EPB41L4B: variants seen among roughly 807,000 people sequenced by gnomAD.
EPB41L4B encodes the protein erythrocyte membrane protein band 4.1 like 4B, also known as band 4.1-like protein 4B.
A neutral mutation model predicts 112.5 loss-of-function variants in EPB41L4B; 30 were observed. The ratio of observed to expected loss-of-function variants is 0.27; its 90% CI spans 0.20 to 0.36. The LOEUF (loss-of-function observed/expected upper bound fraction) is 0.36, where lower values mean the gene tolerates loss of function less well. Among genes scored for constraint, EPB41L4B ranks in the 10% least tolerant of loss-of-function variants. The probability of loss-of-function intolerance (pLI) is 1.00; values close to 1 mark genes in which losing one functional copy is unlikely to be tolerated. For synonymous variants in EPB41L4B, 408 were observed against 439.7 expected, an observed-to-expected ratio of 0.93 and a Z score of 0.90; for missense variants, 1,024 against 1,133.3, an observed-to-expected ratio of 0.90 and a Z score of 1.38.
At chr9:109,235,979 A>G (rs1050185539) in intron 15 of EPB41L4B, among the ~76,000 whole-genome samples, 1 of 152,232 alleles carries the variant, frequency 6.6e-6, no homozygotes, top group African/African-American at 2.4e-5. Flanking sequence ...TCCACACTTC[A>G]CCTAATCAGA....
intron 15 of EPB41L4B, among the ~76,000 whole-genome samples, chr9:109,231,924 G>GA (rs78131476): frequency 0.18 from 26,171 of 149,260 alleles, 2,323 homozygotes; most frequent in African/African-American, 0.21. Flanking sequence ...CTTGCCTAAA[G>GA]AAAAAAAAAT....
intron 1 of EPB41L4B, among the ~76,000 whole-genome samples, chr9:109,306,234 A>G (rs958432174): frequency 1.3e-5 from 2 of 152,212 alleles, no homozygotes; most frequent in African/African-American, 4.8e-5. Flanking sequence ...CTAAACCTAC[A>G]ACACCACACA....
Position 109,208,039 on chromosome 9 carries a change from T to C in EPB41L4B, c.1763A>G (p.Lys588Arg). 6.2e-7 allele frequency: 1 copy of C among 1,614,176 alleles called. No individual in the cohort carries two copies. Among genetic ancestry groups the C allele is most frequent in the Non-Finnish European group, 8.5e-7 (1 of 1,180,026 alleles). Residue 588 changes from lysine to arginine, a missense_variant, in exon 18 of 26, where the codon AAG becomes AGG. Physicochemically the swap from Lys to Arg is conservative, Grantham distance 26 (BLOSUM62 2). Transcript: ENST00000374566. ...CTGAAGAGTTTTCTCCGAGACTTTC[T>C]TTTCTTCAGCCTGAGACAAACCAAA... ...LHININKAEE[K>R]KVSEKTLQTP...
At position 109,251,441 on chromosome 9, in the gene EPB41L4B, TAG is replaced by T. The variant is rs1225429782; in HGVS notation, c.1310+38_1310+39del. The T allele has an allele frequency of 2.5e-6, 4 of 1,589,522 alleles. No homozygotes were observed. In the South Asian group the frequency reaches 3.3e-5, roughly 13 times the overall value. On this transcript the variant is annotated intron_variant, in intron 13 of 25. Coordinates refer to ENST00000374566, the MANE Select transcript of EPB41L4B (RefSeq NM_019114.5). ...CAACATTGCAAATAAATACGATCCT[TAG>T]AGAGGAGAGCTGTGCTCTAGAGCTC... is the stretch of plus-strand genomic sequence containing the variant.
chr9:109,239,066 T>C (rs1461009660), intron 15 of EPB41L4B, among the ~76,000 whole-genome samples: 1 of 152,124 alleles, frequency 6.6e-6, no homozygotes, highest in African/African-American at 2.4e-5. Context: ...ATCACTCTAG[T>C]GACTGGGAGG....
chr9:109,255,382 A>G (rs1450722887), intron 11 of EPB41L4B, 129 bp downstream of exon 11: 9 of 1,067,512 alleles, frequency 8.4e-6, no homozygotes, highest in South Asian at 1.6e-5. Flanking sequence ...TCACCTTAAG[A>G]AACGTGGGGA....
At chr9:109,249,070 A>AT (rs1468792401) in intron 13 of EPB41L4B, among the ~76,000 whole-genome samples, 2,297 of 144,512 alleles carry the variant, frequency 0.016, 24 homozygotes, top group East Asian at 0.035. Context: ...AAAAAAAAAA[A>AT]AAATATATAT....
chr9:109,243,985 G>A (rs1834449796), intron 14 of EPB41L4B, among the ~76,000 whole-genome samples: 1 of 152,226 alleles, frequency 6.6e-6, no homozygotes, highest in Non-Finnish European at 1.5e-5. Flanking sequence ...CGGAGTACCA[G>A]AGACAAGCTG....
chr9:109,257,996 A>C (rs1159647727), intron 7 of EPB41L4B, among the ~76,000 whole-genome samples, 181 bp downstream of exon 7: 1 of 152,226 alleles, frequency 6.6e-6, no homozygotes, highest in Admixed American at 6.5e-5. Flanking sequence ...ACTCTCTCAA[A>C]AATAAAAAGG....
chr9:109,240,637 T>G (rs1834320840), intron 15 of EPB41L4B: 29 of 985,338 alleles, frequency 2.9e-5, no homozygotes, highest in Non-Finnish European at 3.3e-5. Flanking sequence ...CATATTGATT[T>G]CTGGTTCTAC....
intron 2 of EPB41L4B, among the ~76,000 whole-genome samples, chr9:109,277,350 C>T (rs1037569310): frequency 9.4e-5 from 14 of 148,656 alleles, no homozygotes; most frequent in African/African-American, 2.7e-4. Context: ...CAGACAGAAT[C>T]GGAAGTGTAG....
chr9:109,260,504 T>G (rs1392457182), intron 6 of EPB41L4B, among the ~76,000 whole-genome samples: 2 of 136,890 alleles, frequency 1.5e-5, no homozygotes, highest in Non-Finnish European at 3.0e-5. Context: ...AACCTCCGCC[T>G]CCCGGGTTCA....
chr9:109,309,902 C>A (rs1235852574), intron 1 of EPB41L4B, among the ~76,000 whole-genome samples: 1 of 152,108 alleles, frequency 6.6e-6, no homozygotes, highest in Admixed American at 6.6e-5. Context: ...GCTGACAATG[C>A]CAAGTGTTGG....
intron 2 of EPB41L4B, among the ~76,000 whole-genome samples, chr9:109,268,700 CA>C: frequency 6.6e-6 from 1 of 152,078 alleles, no homozygotes; most frequent in Middle Eastern, 3.4e-3. Flanking sequence ...AGATCGAGAC[CA>C]TCCTGGCTAA....
Position 109,173,518 on chromosome 9 carries a change from T to C in EPB41L4B, c.*1036A>G, listed in dbSNP as rs1207302349. 3 of 152,448 alleles carry C rather than the reference T, an allele frequency of 2.0e-5. No homozygotes were observed. The highest frequency in any genetic ancestry group is 3.9e-4 in the East Asian group (2 of 5,190). The allele number at this position is 152,448 out of a possible 1,614,324, so 9.4% of individuals were successfully genotyped here. ...GTGAAGTGAGGTTACCCATGTTACA[T>C]GGATATAAAGACATTTAAATTGGTG... On this transcript the variant is annotated 3_prime_UTR_variant, in exon 26 of 26. Transcript: ENST00000374566.
At chr9:109,313,087 A>G (rs374190199) in intron 1 of EPB41L4B, among the ~76,000 whole-genome samples, 1 of 148,800 alleles carries the variant, frequency 6.7e-6, no homozygotes, top group East Asian at 1.9e-4. Flanking sequence ...CCAAAAAAAG[A>G]AAAAAAAACC....
At chr9:109,251,682 C>T (rs1489581176) in intron 12 of EPB41L4B, among the ~76,000 whole-genome samples, 171 bp from the exon 13 acceptor site, 1 of 152,214 alleles carries the variant, frequency 6.6e-6, no homozygotes, top group Non-Finnish European at 1.5e-5. Context: ...GAGTAAACTA[C>T]CCCTCCCTCT....
chr9:109,274,338 T>C (rs1490004544), intron 2 of EPB41L4B, among the ~76,000 whole-genome samples: 2 of 151,998 alleles, frequency 1.3e-5, no homozygotes, highest in African/African-American at 4.8e-5. Flanking sequence ...TCCCTGCCCC[T>C]CCTCTGCCTG....
intron 20 of EPB41L4B, among the ~76,000 whole-genome samples, chr9:109,197,238 C>A (rs1832672591): frequency 6.6e-6 from 1 of 152,052 alleles, no homozygotes; most frequent in African/African-American, 2.4e-5. Context: ...ACCTGGCCAA[C>A]ATGGGGAAAC....
Sources: allele counts gnomAD v4.1 joint callset (sites outside exome capture counted in the v4.1 genomes callset), GRCh38; gene constraint gnomAD v4.1.1; transcripts MANE v1.5; gene names NCBI Gene and HGNC (gene_info 2026-07-23, HGNC 2026-07-21).